Variants in GLDN observed in about 807,000 individuals in gnomAD.
GLDN encodes collomin.
GLDN carries 47 observed loss-of-function variants against 56.5 expected under a neutral mutation model. The observed-to-expected ratio is 0.83, with a 90% confidence interval of 0.66 to 1.06. The LOEUF (loss-of-function observed/expected upper bound fraction) is 1.06. Among genes scored for constraint, GLDN ranks in the 50% least tolerant of loss-of-function variants. GLDN has a pLI of 0.00. For synonymous variants in GLDN, 332 were observed against 278.8 expected (o/e 1.19, Z -1.90); for missense variants, 782 against 714.3 (o/e 1.09, Z -1.08).
rs994021315 is a variant in GLDN at position 51,341,956 on chromosome 15, G to T, written c.272G>T (p.Arg91Leu). ...APPQDPASSARNKRSHSGEPA... is the reference protein window; with the variant it reads ...APPQDPASSALNKRSHSGEPA... Reference sequence around the variant, plus strand: ...CCCCAAGACCCGGCCAGCTCAGCTCGCAACAAGCGCAGCCACAGCGGCGAG... The same window carrying T: ...CCCCAAGACCCGGCCAGCTCAGCTCTCAACAAGCGCAGCCACAGCGGCGAG... Residue 91 changes from arginine (R) to leucine (L), a missense_variant, in exon 1 of 10, where the codon CGC (arginine) becomes CTC (leucine). By Grantham distance (102) the Arg-to-Leu change is moderately radical. Coordinates refer to ENST00000335449, the MANE Select transcript of GLDN (RefSeq NM_181789.4). 2.5e-6 allele frequency: 4 copies of T among 1,597,204 alleles called. No homozygotes were observed. The highest frequency in any genetic ancestry group is 2.5e-6 in the Non-Finnish European group (3 of 1,179,432).
chr15:51,374,932 C>T (rs1252249398), intron 1 of GLDN, among the ~76,000 whole-genome samples: 1 of 151,906 alleles, frequency 6.6e-6, no homozygotes, highest in East Asian at 1.9e-4. Context: ...GAGAAAGGGT[C>T]TTACTATGTT....
intron 1 of GLDN, among the ~76,000 whole-genome samples, chr15:51,344,470 A>G (rs1394224527): frequency 8.5e-5 from 13 of 152,178 alleles, no homozygotes; most frequent in Admixed American, 7.2e-4. Context: ...ACAATTATTC[A>G]TATAAGAAAA....
At chr15:51,363,594 C>G (rs1303755656) in intron 1 of GLDN, among the ~76,000 whole-genome samples, 6 of 152,198 alleles carry the variant, frequency 3.9e-5, no homozygotes, top group Non-Finnish European at 8.8e-5. Context: ...AAGGAATTCA[C>G]AGGCGAGTGG....
In GLDN at chr15:51,397,551, G is replaced by C; in HGVS notation, c.770G>C (p.Arg257Thr). 6.2e-7 allele frequency: 1 copy of C among 1,602,508 alleles called. No individual in the cohort carries two copies. The highest frequency in any genetic ancestry group is 8.5e-7 in the Non-Finnish European group (1 of 1,173,764). ...CCTCCAGGGCCCCCTGGAAGCAGAA[G>C]AGCCAAAGGCCCTCGGCAGCCAAGC... is the stretch of plus-strand genomic sequence containing the variant. Reference protein sequence around the residue: ...PGPPGPPGSRRAKGPRQPSMF... With the variant: ...PGPPGPPGSRTAKGPRQPSMF... The change falls in exon 6 of 10, where the codon AGA (arginine) becomes ACA (threonine). Residue 257 changes from arginine to threonine, a missense_variant. Coordinates refer to ENST00000335449, the MANE Select transcript of GLDN (RefSeq NM_181789.4).
At chr15:51,411,890 C>G (rs187059366), downstream of GLDN, among the ~76,000 whole-genome samples, 170 of 152,334 alleles carry the variant, frequency 1.1e-3, 1 homozygote, top group African/African-American at 3.9e-3. Context: ...ATTGTACTTT[C>G]CATTAAGAAC....
Position 51,401,713 on chromosome 15 carries a change from A to C in GLDN, c.1148A>C (p.Tyr383Ser). Reference sequence around the variant, plus strand: ...GTTGTTTACAACAACTCTCTCTACTACCACAAAGGGGGTTCTAATACCCTA... The same window carrying C: ...GTTGTTTACAACAACTCTCTCTACTCCCACAAAGGGGGTTCTAATACCCTA... ...GHVVYNNSLYYHKGGSNTLVR... is the reference protein window; with the variant it reads ...GHVVYNNSLYSHKGGSNTLVR... The change falls in exon 9 of 10, where the codon TAC becomes TCC. Residue 383 changes from tyrosine to serine, a missense_variant. Tyr to Ser is a moderately radical substitution (Grantham distance 144). Coordinates refer to ENST00000335449, the MANE Select transcript of GLDN (RefSeq NM_181789.4). The C allele has an allele frequency of 6.2e-7, 1 of 1,614,066 alleles. No individual in the cohort carries two copies. Among genetic ancestry groups the C allele is most frequent in the Non-Finnish European group, 8.5e-7 (1 of 1,179,958 alleles).
downstream of GLDN, among the ~76,000 whole-genome samples, chr15:51,410,126 T>C (rs1212819550): frequency 1.3e-5 from 2 of 152,184 alleles, no homozygotes; most frequent in Non-Finnish European, 2.9e-5. Flanking sequence ...GCTCATCATC[T>C]CTATGCTGTG....
chr15:51,355,291 G>A (rs143543608), intron 1 of GLDN, among the ~76,000 whole-genome samples: 2,017 of 152,248 alleles, frequency 0.013, 46 homozygotes, highest in African/African-American at 0.046. Flanking sequence ...GGGAAAAGGG[G>A]CAGGGATTTC....
chr15:51,380,242 C>T (rs1445345006), intron 2 of GLDN, among the ~76,000 whole-genome samples: 1 of 152,166 alleles, frequency 6.6e-6, no homozygotes, highest in Non-Finnish European at 1.5e-5. Context: ...AATTTCTAGA[C>T]GGCGACTGCA....
intron 1 of GLDN, among the ~76,000 whole-genome samples, chr15:51,370,085 C>T (rs969961088): frequency 6.6e-6 from 1 of 152,104 alleles, no homozygotes; most frequent in African/African-American, 2.4e-5. Flanking sequence ...CACTGCACTC[C>T]AGCCTCAGTG....
At chr15:51,402,060 A>G (rs144240096) in intron 9 of GLDN, among the ~76,000 whole-genome samples, 1,526 of 152,276 alleles carry the variant, frequency 0.01, 18 homozygotes, top group African/African-American at 0.035. Flanking sequence ...GCCCGAACTC[A>G]TAGCTCCCCC....
chr15:51,383,530 T>G, intron 3 of GLDN, 77 bp downstream of exon 3: 1 of 1,543,222 alleles, frequency 6.5e-7, no homozygotes, highest in South Asian at 1.1e-5. Flanking sequence ...TTGGGACAGA[T>G]GCGGGGAGGG....
chr15:51,361,212 AC>A (rs1418171782), intron 1 of GLDN, among the ~76,000 whole-genome samples: 3 of 152,078 alleles, frequency 2.0e-5, no homozygotes, highest in African/African-American at 4.8e-5. Context: ...TCCTACCCTA[AC>A]TTCTTCTGCA....
intron 4 of GLDN, among the ~76,000 whole-genome samples, chr15:51,393,808 A>G (rs2038070323): frequency 6.6e-6 from 1 of 152,236 alleles, no homozygotes; most frequent in African/African-American, 2.4e-5. Context: ...ACAAGCTGTT[A>G]CTTAGACCTT....
Position 51,401,754 on chromosome 15 carries a change from C to G in GLDN, c.1178+11C>G. 1 of 1,610,740 alleles carries G rather than the reference C, an allele frequency of 6.2e-7. No individual in the cohort carries two copies. Among genetic ancestry groups the G allele is most frequent in the East Asian group, 2.2e-5 (1 of 44,868 alleles). On this transcript the variant is annotated intron_variant, in intron 9 of 9. Coordinates refer to ENST00000335449, the MANE Select transcript of GLDN (RefSeq NM_181789.4). ...TAATACCCTAGTGAGGTAAGTCGCA[C>G]CACAGCACCTTCTCACGCCTCTCAG...
chr15:51,357,895 C>T (rs1230854647), intron 1 of GLDN, among the ~76,000 whole-genome samples: 1 of 152,084 alleles, frequency 6.6e-6, no homozygotes, highest in Non-Finnish European at 1.5e-5. Flanking sequence ...GCCCATGGTG[C>T]CCCCATGGGC....
intron 4 of GLDN, among the ~76,000 whole-genome samples, chr15:51,391,199 G>A (rs1200526360): frequency 1.3e-5 from 2 of 152,078 alleles, no homozygotes; most frequent in Non-Finnish European, 2.9e-5. Flanking sequence ...TCAAGCAAAG[G>A]CCTTGAATAG....
At chr15:51,397,208 G>A (rs2038147885) in intron 5 of GLDN, among the ~76,000 whole-genome samples, 1 of 152,140 alleles carries the variant, frequency 6.6e-6, no homozygotes, top group African/African-American at 2.4e-5. Flanking sequence ...GGCCCCACTT[G>A]TCCACTTGTA....
chr15:51,391,896 C>G (rs1366059789), intron 4 of GLDN, among the ~76,000 whole-genome samples: 3 of 152,210 alleles, frequency 2.0e-5, no homozygotes, highest in African/African-American at 7.2e-5. Flanking sequence ...TGGTGAGGAC[C>G]CTGGGGCTTC....
Sources: gnomAD v4.1 joint callset for allele counts (sites outside exome capture counted in the v4.1 genomes callset) on GRCh38, gnomAD v4.1.1 for gene constraint, MANE v1.5 for transcripts, NCBI Gene and HGNC (gene_info 2026-07-23, HGNC 2026-07-21) for gene names.